The following THSD7A variants were observed in gnomAD, a reference collection of about 807,000 sequenced individuals.
THSD7A encodes the protein thrombospondin type 1 domain containing 7A.
A neutral mutation model predicts 231.3 loss-of-function variants in THSD7A; 96 were observed. The ratio of observed to expected loss-of-function variants is 0.41; its 90% CI spans 0.35 to 0.49. The LOEUF (loss-of-function observed/expected upper bound fraction) is 0.49, where lower values mean the gene tolerates loss of function less well. THSD7A is among the 20% of genes least tolerant of loss of function. The pLI, the probability that THSD7A is intolerant of heterozygous loss-of-function variation, is 0.05. For missense variants in THSD7A, 2,290 were observed against 2,070.2 expected, an observed-to-expected ratio of 1.11 and a Z score of -2.06; for synonymous variants, 940 against 743.3, an observed-to-expected ratio of 1.26 and a Z score of -4.30.
intron 4 of THSD7A, among the ~76,000 whole-genome samples, chr7:11,548,541 G>A (rs1396887274): frequency 6.6e-6 from 1 of 151,834 alleles, no homozygotes; most frequent in Non-Finnish European, 1.5e-5. Context: ...CCAAAACCTG[G>A]CAGAGACACA....
chr7:11,682,953 T>C (rs1000559332), intron 1 of THSD7A, among the ~76,000 whole-genome samples: 1 of 151,878 alleles, frequency 6.6e-6, no homozygotes, highest in Non-Finnish European at 1.5e-5. Flanking sequence ...TGAAATCCCA[T>C]CTCTACTAAA....
chr7:11,493,069 A>G (rs1786964198), intron 6 of THSD7A, among the ~76,000 whole-genome samples: 1 of 152,144 alleles, frequency 6.6e-6, no homozygotes. Flanking sequence ...AGCATTTATG[A>G]AAAGTTGCTC....
chr7:11,554,399 G>C (rs916509295), intron 4 of THSD7A, among the ~76,000 whole-genome samples: 2 of 151,998 alleles, frequency 1.3e-5, no homozygotes, highest in African/African-American at 4.8e-5. Context: ...CAGTGTTAGG[G>C]AACAAGCATT....
intron 2 of THSD7A, among the ~76,000 whole-genome samples, chr7:11,628,484 G>T (rs1023175745): frequency 6.6e-6 from 1 of 152,080 alleles, no homozygotes; most frequent in Non-Finnish European, 1.5e-5. Context: ...TCTCTAGGAG[G>T]CCATTCTTGA....
intron 1 of THSD7A, among the ~76,000 whole-genome samples, chr7:11,639,747 C>G (rs1782008668): frequency 6.6e-6 from 1 of 152,106 alleles, no homozygotes; most frequent in East Asian, 1.9e-4. Flanking sequence ...TTATAGAAAT[C>G]TGAGTACACA....
At chr7:11,426,544 T>C in intron 15 of THSD7A, 122 bp downstream of exon 15, 8 of 1,081,908 alleles carry the variant, frequency 7.4e-6, no homozygotes, top group Non-Finnish European at 1.0e-5. Context: ...TAATGGAAAA[T>C]ATGACATTTT....
chr7:11,667,196 C>T (rs1031337855), intron 1 of THSD7A, among the ~76,000 whole-genome samples: 2 of 151,786 alleles, frequency 1.3e-5, no homozygotes, highest in African/African-American at 4.8e-5. Flanking sequence ...GTCTTTTAGC[C>T]CTCACCCCTC....
At chr7:11,707,551 A>G (rs1002910784) in intron 1 of THSD7A, among the ~76,000 whole-genome samples, 1 of 151,004 alleles carries the variant, frequency 6.6e-6, no homozygotes, top group Non-Finnish European at 1.5e-5. Flanking sequence ...TTCTATCATT[A>G]TAATCTCTGC....
chr7:11,618,796 G>GAA (rs887296938), intron 2 of THSD7A, among the ~76,000 whole-genome samples: 1 of 108,768 alleles, frequency 9.2e-6, no homozygotes, highest in Non-Finnish European at 2.0e-5. Flanking sequence ...GACTCAAAAA[G>GAA]AAAAAAAAAA....
chr7:11,715,664 C>T (rs1219440002), intron 1 of THSD7A, among the ~76,000 whole-genome samples: 2 of 151,360 alleles, frequency 1.3e-5, no homozygotes, highest in African/African-American at 4.8e-5. Context: ...ACTTTTGCTG[C>T]TTACCTAAGC....
chr7:11,493,799 T>C (rs1786992874), intron 6 of THSD7A, among the ~76,000 whole-genome samples: 1 of 152,074 alleles, frequency 6.6e-6, no homozygotes, highest in Non-Finnish European at 1.5e-5. Context: ...TTTTGTTTCA[T>C]GGTCATCTAT....
At chr7:11,779,240 C>G (rs933697322) in intron 1 of THSD7A, among the ~76,000 whole-genome samples, 6 of 152,256 alleles carry the variant, frequency 3.9e-5, no homozygotes, top group Admixed American at 6.5e-5. Context: ...AGTAGTTCAT[C>G]CACCTTTCAG....
intron 6 of THSD7A, among the ~76,000 whole-genome samples, chr7:11,517,358 G>T (rs546792940): frequency 6.6e-6 from 1 of 152,040 alleles, no homozygotes; most frequent in African/African-American, 2.4e-5. Flanking sequence ...GATTACAGGC[G>T]TGAGCCACCA....
At chr7:11,512,710 T>C (rs983192522) in intron 6 of THSD7A, among the ~76,000 whole-genome samples, 7 of 134,556 alleles carry the variant, frequency 5.2e-5, no homozygotes, top group East Asian at 4.5e-4. Context: ...TTCTCACTCA[T>C]AGGTGGGAAC....
At chr7:11,696,029 T>A (rs1780385974) in intron 1 of THSD7A, among the ~76,000 whole-genome samples, 1 of 151,342 alleles carries the variant, frequency 6.6e-6, no homozygotes. Context: ...ATATGAGGAG[T>A]TTAGGAAGAC....
intron 1 of THSD7A, among the ~76,000 whole-genome samples, chr7:11,772,631 G>A (rs1783270989): frequency 1.3e-5 from 2 of 152,262 alleles, no homozygotes; most frequent in East Asian, 3.9e-4. Flanking sequence ...CACATTCTGT[G>A]CATTCTTACT....
intron 17 of THSD7A, among the ~76,000 whole-genome samples, chr7:11,413,198 A>G (rs773551167): frequency 2.6e-5 from 4 of 152,116 alleles, no homozygotes; most frequent in Non-Finnish European, 4.4e-5. Context: ...TTAAATGACT[A>G]GGTGTTAGTG....
chr7:11,653,446 ATATGTG>A (rs1782583635), intron 1 of THSD7A, among the ~76,000 whole-genome samples: 1 of 93,722 alleles, frequency 1.1e-5, no homozygotes. Flanking sequence ...CCACTCCCAG[ATATGTG>A]TGTGTGTGTG....
At chr7:11,587,697 T>C (rs1779969809) in intron 4 of THSD7A, among the ~76,000 whole-genome samples, 1 of 152,178 alleles carries the variant, frequency 6.6e-6, no homozygotes, top group Non-Finnish European at 1.5e-5. Flanking sequence ...CTGTCCCTTA[T>C]GGTGTGTGTC....
Sources: gnomAD v4.1 joint callset for allele counts (sites outside exome capture counted in the v4.1 genomes callset) on GRCh38, gnomAD v4.1.1 for gene constraint, MANE v1.5 for transcripts, NCBI Gene and HGNC (gene_info 2026-07-23, HGNC 2026-07-21) for gene names.